Variants in SYN3 observed in about 807,000 individuals in gnomAD.
SYN3 encodes synapsin III, also known as synapsin-3.
In SYN3, 35 loss-of-function variants were observed where a neutral mutation model predicts 65.8. The ratio of observed to expected loss-of-function variants is 0.53; its 90% CI spans 0.41 to 0.70. SYN3 has a LOEUF of 0.70. Ranked by LOEUF, SYN3 falls within the 30% of genes least tolerant of loss-of-function variation. The pLI, the probability that SYN3 is intolerant of heterozygous loss-of-function variation, is 0.00. For missense variants in SYN3, 680 were observed against 749.0 expected, an observed-to-expected ratio of 0.91 and a Z score of 1.08; for synonymous variants, 270 against 292.9, an observed-to-expected ratio of 0.92 and a Z score of 0.80.
chr22:32,781,542 G>C (rs1331688328), intron 6 of SYN3, among the ~76,000 whole-genome samples: 1 of 152,084 alleles, frequency 6.6e-6, no homozygotes, highest in Non-Finnish European at 1.5e-5. Flanking sequence ...GCTGGGCTCA[G>C]GCTTAAAGGA....
chr22:32,538,728 TTC>T (rs1555891941), intron 8 of SYN3, among the ~76,000 whole-genome samples: 1 of 19,432 alleles, frequency 5.1e-5, no homozygotes, highest in Non-Finnish European at 1.0e-4. Context: ...CTGCTCATCC[TTC>T]AGGTTTCATC....
chr22:33,033,545 T>A (rs768491508), intron 1 of SYN3, among the ~76,000 whole-genome samples: 21 of 151,930 alleles, frequency 1.4e-4, no homozygotes, highest in Non-Finnish European at 2.9e-4. Flanking sequence ...CCTGTCAGAC[T>A]CCCCCATGGA....
At chr22:32,985,246 A>G (rs1450949854) in intron 2 of SYN3, among the ~76,000 whole-genome samples, 1 of 152,236 alleles carries the variant, frequency 6.6e-6, no homozygotes, top group Non-Finnish European at 1.5e-5. Context: ...TATGTAGTCC[A>G]TGGCCTGAAA....
At chr22:32,612,661 G>T (rs1351170666) in intron 6 of SYN3, among the ~76,000 whole-genome samples, 1 of 152,056 alleles carries the variant, frequency 6.6e-6, no homozygotes, top group Non-Finnish European at 1.5e-5. Flanking sequence ...AGGCAACATA[G>T]TAAGACCTTG....
intron 6 of SYN3, among the ~76,000 whole-genome samples, chr22:32,658,536 T>C (rs1046364115): frequency 6.6e-6 from 1 of 152,220 alleles, no homozygotes; most frequent in Non-Finnish European, 1.5e-5. Flanking sequence ...CTCACGCTCA[T>C]TGAAGGCTTT....
chr22:32,652,190 C>T (rs917609130), intron 6 of SYN3, among the ~76,000 whole-genome samples: 3 of 152,124 alleles, frequency 2.0e-5, no homozygotes, highest in Non-Finnish European at 2.9e-5. Context: ...CTTCTGCCAT[C>T]TCCTCCCCGC....
At chr22:32,671,450 C>G (rs12168345) in intron 6 of SYN3, among the ~76,000 whole-genome samples, 9 of 152,074 alleles carry the variant, frequency 5.9e-5, no homozygotes, top group Admixed American at 5.2e-4. Context: ...CACACCCTCC[C>G]TCACACACAC....
chr22:32,648,489 C>T (rs548174452), intron 6 of SYN3, among the ~76,000 whole-genome samples: 1 of 152,110 alleles, frequency 6.6e-6, no homozygotes, highest in South Asian at 2.1e-4. Context: ...AGGTTGTGAC[C>T]AACGATTGAA....
At chr22:32,616,871 G>C (rs1052143517) in intron 6 of SYN3, among the ~76,000 whole-genome samples, 5 of 152,148 alleles carry the variant, frequency 3.3e-5, no homozygotes, top group Admixed American at 6.6e-5. Flanking sequence ...GGCTTTGCTG[G>C]TCATGCAGGA....
At position 32,840,695 on chromosome 22, in the gene SYN3, C is replaced by A. The variant is rs185561234; in HGVS notation, c.711+24220G>T. Among the ~76,000 whole-genome samples, 322 of 152,240 alleles carry A rather than the reference C, an allele frequency of 2.1e-3. 1 individual carries two copies. Among genetic ancestry groups the A allele is most frequent in the African/African-American group, 7.5e-3 (312 of 41,548 alleles). On this transcript the variant is annotated intron_variant, in intron 6 of 13. Transcript: ENST00000358763. ...GACTTCTTCCTCCTCTGGATTCAGACGCAGCAAACTGAGTCTCTTCTGCAG... is the reference window on the plus strand; with the variant it reads ...GACTTCTTCCTCCTCTGGATTCAGAAGCAGCAAACTGAGTCTCTTCTGCAG...
chr22:32,911,003 G>T (rs1482826008), intron 4 of SYN3, among the ~76,000 whole-genome samples: 1 of 152,180 alleles, frequency 6.6e-6, no homozygotes, highest in Non-Finnish European at 1.5e-5. Flanking sequence ...ATGGCTTGTG[G>T]TCTTAACACC....
intron 6 of SYN3, among the ~76,000 whole-genome samples, chr22:32,620,019 G>A (rs1255228490): frequency 6.6e-6 from 1 of 152,212 alleles, no homozygotes; most frequent in Non-Finnish European, 1.5e-5. Context: ...ACCACCAATG[G>A]ATGAATAAGA....
chr22:32,601,193 A>C (rs751797845), intron 6 of SYN3, among the ~76,000 whole-genome samples: 9 of 152,188 alleles, frequency 5.9e-5, no homozygotes, highest in Non-Finnish European at 1.3e-4. Flanking sequence ...TTTAAGTAAG[A>C]TATTTCACAG....
At chr22:33,046,715 C>T (rs1419533650) in intron 1 of SYN3, among the ~76,000 whole-genome samples, 3 of 151,810 alleles carry the variant, frequency 2.0e-5, no homozygotes, top group African/African-American at 7.3e-5. Flanking sequence ...TGGTGGCAGG[C>T]ATCTGTAATC....
At chr22:32,651,585 T>C (rs1195148692) in intron 6 of SYN3, among the ~76,000 whole-genome samples, 1 of 152,118 alleles carries the variant, frequency 6.6e-6, no homozygotes, top group Non-Finnish European at 1.5e-5. Context: ...AATGAATGAA[T>C]GAAAAGGCTT....
intron 6 of SYN3, among the ~76,000 whole-genome samples, chr22:32,599,978 T>A (rs2059258677): frequency 6.6e-6 from 1 of 151,776 alleles, no homozygotes; most frequent in Non-Finnish European, 1.5e-5. Context: ...GCCCAACATT[T>A]TTGGCACCAG....
At chr22:32,831,439 G>T (rs2047570375) in intron 6 of SYN3, among the ~76,000 whole-genome samples, 1 of 152,120 alleles carries the variant, frequency 6.6e-6, no homozygotes, top group Non-Finnish European at 1.5e-5. Context: ...AAAGCCAGAT[G>T]ATCAGGGCAG....
In SYN3 at chr22:32,766,021, TTTG is replaced by T. The variant is rs1018665748; in HGVS notation, c.711+98891_711+98893del. On this transcript the variant is annotated intron_variant, in intron 6 of 13. Transcript: ENST00000358763. ...ATGAGAGAGGCTGGTTTTCAAGGTT[TTTG>T]TTGTTGTTGTTCATTTGTTTGGTTT... 6.4e-4 allele frequency among the ~76,000 whole-genome samples: 97 copies of T among 152,298 alleles called. 1 individual carries two copies. The highest frequency in any genetic ancestry group is 2.0e-3 in the African/African-American group (83 of 41,562).
At chr22:32,640,302 T>G (rs2059877807) in intron 6 of SYN3, among the ~76,000 whole-genome samples, 1 of 152,246 alleles carries the variant, frequency 6.6e-6, no homozygotes, top group South Asian at 2.1e-4. Context: ...AGGCAGGGAC[T>G]GTGCCTTGTT....
Sources: allele counts gnomAD v4.1 joint callset (sites outside exome capture counted in the v4.1 genomes callset), GRCh38; gene constraint gnomAD v4.1.1; transcripts MANE v1.5; gene names NCBI Gene and HGNC (gene_info 2026-07-23, HGNC 2026-07-21).